The following GPR137C variants were observed in gnomAD, a reference collection of about 807,000 sequenced individuals.
GPR137C encodes the protein G protein-coupled receptor 137C, also known as integral membrane protein GPR137C.
GPR137C carries 27 observed loss-of-function variants against 43.4 expected under a neutral mutation model. The observed-to-expected ratio is 0.62, with a 90% CI of 0.46 to 0.86. The LOEUF (loss-of-function observed/expected upper bound fraction) is 0.86. Among genes scored for constraint, GPR137C ranks in the 40% least tolerant of loss-of-function variants. The pLI, the probability that GPR137C is intolerant of heterozygous loss-of-function variation, is 0.00. For synonymous variants in GPR137C, 285 were observed against 226.9 expected (o/e 1.26, Z -2.30); for missense variants, 522 against 534.6 (o/e 0.98, Z 0.23).
chr14:52,554,072 C>T (rs1234556447), intron 1 of GPR137C, among the ~76,000 whole-genome samples: 3 of 152,166 alleles, frequency 2.0e-5, no homozygotes, highest in Non-Finnish European at 4.4e-5. Flanking sequence ...TGCTGCGTTT[C>T]TTTTATTAGA....
At chr14:52,577,850 C>T (rs557396031) in intron 1 of GPR137C, among the ~76,000 whole-genome samples, 1 of 150,818 alleles carries the variant, frequency 6.6e-6, no homozygotes, top group African/African-American at 2.4e-5. Flanking sequence ...ACCTGTAAGT[C>T]CCAGCTACTG....
At chr14:52,622,152 G>A (rs2039169177) in intron 3 of GPR137C, among the ~76,000 whole-genome samples, 1 of 151,916 alleles carries the variant, frequency 6.6e-6, no homozygotes, top group Non-Finnish European at 1.5e-5. Context: ...GTTGGAAATG[G>A]AGGAGAATTT....
chr14:52,612,961 G>A (rs988888732), intron 3 of GPR137C: 1 of 151,494 alleles, frequency 6.6e-6, no homozygotes, highest in African/African-American at 2.4e-5. Context: ...AAATATTTTT[G>A]GGCCAGGCGC....
chr14:52,553,097 G>T lies in GPR137C; in HGVS notation c.-51G>T. ...CCTTCTCCCCTTCGACGGCGGCTCC[G>T]AGTCCAGCCCCTTCCTTCCCGCGCT... On this transcript the variant is annotated 5_prime_UTR_variant, in exon 1 of 7. Coordinates refer to ENST00000321662, the MANE Select transcript of GPR137C (RefSeq NM_001099652.2). 9.6e-7 allele frequency: 1 copy of T among 1,036,448 alleles called. No individual in the cohort carries two copies. The highest frequency in any genetic ancestry group is 1.2e-6 in the Non-Finnish European group (1 of 835,866). 64.2% of individuals were successfully genotyped at this position (1,036,448 alleles called of 1,614,324 possible).
At chr14:52,582,567 G>A (rs2038661830) in intron 1 of GPR137C, among the ~76,000 whole-genome samples, 1 of 152,222 alleles carries the variant, frequency 6.6e-6, no homozygotes, top group Admixed American at 6.5e-5. Flanking sequence ...GCCAAGGCGG[G>A]CAGATCACCT....
At chr14:52,602,981 A>T (rs548203950) in intron 3 of GPR137C, among the ~76,000 whole-genome samples, 1 of 152,306 alleles carries the variant, frequency 6.6e-6, no homozygotes, top group Admixed American at 6.5e-5. Flanking sequence ...CTTTCTAGTT[A>T]TTTTGAAACA....
chr14:52,577,516 G>GCGCACACACACACACA (rs369713179), intron 1 of GPR137C, among the ~76,000 whole-genome samples: 3,145 of 145,302 alleles, frequency 0.022, 57 homozygotes, highest in South Asian at 0.05. Context: ...GCGCGCGCGC[G>GCGCACACACACACACA]CACACACACA....
At chr14:52,623,641 A>G (rs943948649) in intron 3 of GPR137C, among the ~76,000 whole-genome samples, 8 of 150,374 alleles carry the variant, frequency 5.3e-5, no homozygotes, top group African/African-American at 2.0e-4. Flanking sequence ...TAAATTATTA[A>G]CATTTATAAA....
At chr14:52,578,571 A>AT (rs916459647) in intron 1 of GPR137C, among the ~76,000 whole-genome samples, 31 of 151,734 alleles carry the variant, frequency 2.0e-4, no homozygotes, top group Non-Finnish European at 2.9e-4. Context: ...TTAAATCTGT[A>AT]TTTTTTTTGC....
chr14:52,584,011 C>A (rs918986693), intron 1 of GPR137C, among the ~76,000 whole-genome samples: 8 of 152,108 alleles, frequency 5.3e-5, no homozygotes, highest in Admixed American at 1.3e-4. Context: ...TACCCTCATC[C>A]TGACTTTTAG....
chr14:52,575,916 T>A (rs1347293728), intron 1 of GPR137C, among the ~76,000 whole-genome samples: 1 of 152,196 alleles, frequency 6.6e-6, no homozygotes, highest in Non-Finnish European at 1.5e-5. Context: ...CTTCTCCTAG[T>A]GGAGTCTTAC....
intron 3 of GPR137C, among the ~76,000 whole-genome samples, chr14:52,622,547 G>A (rs138912162): frequency 3.5e-4 from 53 of 152,006 alleles, no homozygotes; most frequent in African/African-American, 1.2e-3. Context: ...AATAAATGCT[G>A]CCAGATGTTT....
At chr14:52,574,765 A>T (rs1011417517) in intron 1 of GPR137C, among the ~76,000 whole-genome samples, 1 of 152,154 alleles carries the variant, frequency 6.6e-6, no homozygotes, top group African/African-American at 2.4e-5. Flanking sequence ...CTTCCGTGGG[A>T]TATTCTGTTG....
intron 3 of GPR137C, among the ~76,000 whole-genome samples, chr14:52,623,803 C>T (rs1290007368): frequency 3.9e-5 from 6 of 152,054 alleles, no homozygotes; most frequent in South Asian, 2.1e-4. Context: ...TAAACAGGGA[C>T]GTTGGATGTT....
At chr14:52,594,346 G>T (rs2038823367) in intron 1 of GPR137C, among the ~76,000 whole-genome samples, 1 of 152,168 alleles carries the variant, frequency 6.6e-6, no homozygotes, top group Non-Finnish European at 1.5e-5. Context: ...AGGTCTGCTT[G>T]GTGCAGAGCT....
At chr14:52,566,059 A>G (rs2038364861) in intron 1 of GPR137C, among the ~76,000 whole-genome samples, 1 of 152,226 alleles carries the variant, frequency 6.6e-6, no homozygotes, top group African/African-American at 2.4e-5. Flanking sequence ...GATCTAATAC[A>G]GTATCTCAAT....
In GPR137C at chr14:52,574,957, T is replaced by C. The variant is rs1213088209; in HGVS notation, c.444+21366T>C. ...TGGGGGAAGTAGTGTTGGAAAACTT[T>C]TTAAAGGACAGCATAGTTTCAGCAC... is the stretch of plus-strand genomic sequence containing the variant. On this transcript the variant is annotated intron_variant, in intron 1 of 6. Transcript: ENST00000321662. 5.3e-5 allele frequency among the ~76,000 whole-genome samples: 8 copies of C among 152,310 alleles called. 1 individual carries two copies. Among genetic ancestry groups the C allele is most frequent in the Admixed American group, 6.5e-5 (1 of 15,292 alleles).
rs560948209 is a variant in GPR137C, at chr14:52,637,146, T to C, written c.*2031T>C. 2.6e-5 allele frequency: 4 copies of C among 152,308 alleles called. No individual in the cohort carries two copies. In the South Asian group the frequency reaches 6.2e-4, roughly 24 times the overall value. 9.4% of individuals were successfully genotyped at this position (152,308 alleles called of 1,614,324 possible). ...TCCAAATTTGAGGTTTGTAAGTTTATTCTTATCACTGACTAGGGTACCCAA... is the reference window on the plus strand; with the variant it reads ...TCCAAATTTGAGGTTTGTAAGTTTACTCTTATCACTGACTAGGGTACCCAA... On this transcript the variant is annotated 3_prime_UTR_variant, in exon 7 of 7. Coordinates refer to ENST00000321662, the MANE Select transcript of GPR137C (RefSeq NM_001099652.2).
chr14:52,555,105 T>C (rs1030179594), intron 1 of GPR137C, among the ~76,000 whole-genome samples: 2 of 152,162 alleles, frequency 1.3e-5, no homozygotes, highest in Non-Finnish European at 2.9e-5. Flanking sequence ...TTTCAGATAG[T>C]GCGTTAGTGA....
Sources: gnomAD v4.1 joint callset for allele counts (sites outside exome capture counted in the v4.1 genomes callset) on GRCh38, gnomAD v4.1.1 for gene constraint, MANE v1.5 for transcripts, NCBI Gene and HGNC (gene_info 2026-07-23, HGNC 2026-07-21) for gene names.